RABGEF1: variants seen among roughly 807,000 people sequenced by gnomAD.
RABGEF1 encodes the protein rab5 GDP/GTP exchange factor.
RABGEF1 carries 26 observed loss-of-function variants against 57.3 expected under a neutral mutation model. That is an observed-to-expected ratio of 0.45 (90% confidence interval 0.33 to 0.63). The LOEUF (loss-of-function observed/expected upper bound fraction) is 0.63, where lower values mean the gene tolerates loss of function less well. Among genes scored for constraint, RABGEF1 ranks in the 20% least tolerant of loss-of-function variants. The pLI, the probability that RABGEF1 is intolerant of heterozygous loss-of-function variation, is 0.02. For synonymous variants in RABGEF1, 185 were observed against 210.7 expected (o/e 0.88, Z 1.06); for missense variants, 464 against 607.6 (o/e 0.76, Z 2.48).
the RABGEF1 span, among the ~76,000 whole-genome samples, chr7:66,664,517 C>G: frequency 2.6e-5 from 4 of 151,178 alleles, no homozygotes; most frequent in Non-Finnish European, 5.9e-5. Context: ...TAGCCTCAAA[C>G]TCCTTGAGCC....
chr7:66,776,976 C>G (rs1808706620), intron 3 of RABGEF1, among the ~76,000 whole-genome samples: 1 of 152,168 alleles, frequency 6.6e-6, no homozygotes, highest in South Asian at 2.1e-4. Context: ...CCTGTCCACA[C>G]TGAGGGACAA....
Position 66,775,914 on chromosome 7 carries a change from T to G in RABGEF1, c.346+521T>G, listed in dbSNP as rs1308502554. 2.6e-5 allele frequency among the ~76,000 whole-genome samples: 4 copies of G among 152,156 alleles called. No individual in the cohort carries two copies. The East Asian group carries it at 7.7e-4, about 29-fold the overall frequency. Reference sequence around the variant, plus strand: ...TTGGGGGGATGAAAGTGAGCCATAGTAGCTATTTTCCAGTGCATGGATTTG... The same window carrying G: ...TTGGGGGGATGAAAGTGAGCCATAGGAGCTATTTTCCAGTGCATGGATTTG... On this transcript the variant is annotated intron_variant, in intron 3 of 8. Transcript: ENST00000284957.
intron 1 of RABGEF1, among the ~76,000 whole-genome samples, chr7:66,700,920 C>T (rs1416197501): frequency 6.6e-6 from 1 of 152,208 alleles, no homozygotes; most frequent in Non-Finnish European, 1.5e-5. Flanking sequence ...GAGGCCCCTC[C>T]CTGGGTTTGC....
At chr7:66,755,818 C>A (rs1260371809) in intron 1 of RABGEF1, 1 of 382,442 alleles carries the variant, frequency 2.6e-6, no homozygotes. Flanking sequence ...GAATGCTCCC[C>A]TGCTTGCTCT....
chr7:66,692,663 C>A (rs1791692043), intron 1 of RABGEF1, among the ~76,000 whole-genome samples: 1 of 152,140 alleles, frequency 6.6e-6, no homozygotes, highest in African/African-American at 2.4e-5. Context: ...GAGTCAGAGG[C>A]CCTGGTCATC....
chr7:66,795,321 C>A (rs1813765002), intron 4 of RABGEF1, among the ~76,000 whole-genome samples, 190 bp from the exon 5 acceptor site: 1 of 152,130 alleles, frequency 6.6e-6, no homozygotes, highest in African/African-American at 2.4e-5. Flanking sequence ...AAGGAAAAGT[C>A]CGGCAACAAT....
At chr7:66,746,047 A>G (rs1167597679) in intron 1 of RABGEF1, among the ~76,000 whole-genome samples, 1 of 152,198 alleles carries the variant, frequency 6.6e-6, no homozygotes, top group African/African-American at 2.4e-5. Flanking sequence ...TAGAAACATC[A>G]TGTGTGTTGT....
At chr7:66,750,645 A>G (rs1801200519) in intron 1 of RABGEF1, among the ~76,000 whole-genome samples, 1 of 152,270 alleles carries the variant, frequency 6.6e-6, no homozygotes, top group South Asian at 2.1e-4. Context: ...TAATATACAC[A>G]CATATAATGG....
rs548858066 is a variant in RABGEF1, at chr7:66,720,617, G to T, written c.-815+8393G>T. ...TATTTTAATGGATAAAGTATGAATT[G>T]TTTCTCCCTAAGATTAGAAACAAGG... On this transcript the variant is annotated intron_variant and NMD_transcript_variant, in intron 2 of 9. Coordinates refer to the RABGEF1 transcript ENST00000607882. Among the ~76,000 whole-genome samples the T allele has an allele frequency of 2.6e-5, 4 of 152,068 alleles. No individual in the cohort carries two copies. The South Asian group carries it at 8.3e-4, about 32-fold the overall frequency.
At chr7:66,692,952 G>T (rs764653802) in intron 1 of RABGEF1, among the ~76,000 whole-genome samples, 1 of 152,160 alleles carries the variant, frequency 6.6e-6, no homozygotes, top group South Asian at 2.1e-4. Flanking sequence ...GTAATACCAG[G>T]CTCAAGGCCC....
chr7:66,665,015 G>T, the RABGEF1 span, among the ~76,000 whole-genome samples: 1 of 152,230 alleles, frequency 6.6e-6, no homozygotes, highest in African/African-American at 2.4e-5. Flanking sequence ...GGCGAGTCTC[G>T]CCATGTGCAT....
rs565238669 is a variant in RABGEF1 at position 66,753,653 on chromosome 7, C to T, written c.-18+12861C>T. On this transcript the variant is annotated intron_variant, in intron 1 of 8. Transcript: ENST00000284957. ...TGGTATTTCTTCCAGTGGATGTCTT[C>T]GCATAACAGTGTTTTTTCTCTCATC... Among the ~76,000 whole-genome samples the T allele has an allele frequency of 2.0e-3, 302 of 148,366 alleles. 1 individual carries two copies. Among genetic ancestry groups the T allele is most frequent in the Non-Finnish European group, 3.8e-3 (255 of 67,508 alleles).
chr7:66,746,540 C>G (rs891244229), intron 1 of RABGEF1, among the ~76,000 whole-genome samples: 1 of 151,292 alleles, frequency 6.6e-6, no homozygotes, highest in Non-Finnish European at 1.5e-5. Context: ...CCACCCGCCT[C>G]GGCCTCCCAA....
chr7:66,673,242 G>A, the RABGEF1 span, among the ~76,000 whole-genome samples: 72 of 148,608 alleles, frequency 4.8e-4, no homozygotes, highest in South Asian at 2.2e-4. Flanking sequence ...TAAAATAGGT[G>A]GTTCAGGGCA....
At chr7:66,670,151 A>G in the RABGEF1 span, among the ~76,000 whole-genome samples, 2 of 152,114 alleles carry the variant, frequency 1.3e-5, no homozygotes, top group Non-Finnish European at 2.9e-5. Context: ...GAGGTTCACC[A>G]TGACCTGGTG....
rs73139913 is a variant in RABGEF1, at chr7:66,752,268, C to T, written c.-18+11476C>T. Among the ~76,000 whole-genome samples the T allele has an allele frequency of 2.5e-3, 385 of 151,958 alleles. 4 individuals are homozygous for T. The highest frequency in any genetic ancestry group is 3.9e-3 in the Non-Finnish European group (264 of 67,982). ...CAGCGCTTTGGGAGTCCGAGGTGGA[C>T]GGATCACAACAAGGTCAGGAGTTCG... On this transcript the variant is annotated intron_variant, in intron 1 of 8. Transcript: ENST00000284957.
chr7:66,742,329 C>G (rs540320310), intron 1 of RABGEF1, among the ~76,000 whole-genome samples: 1 of 152,260 alleles, frequency 6.6e-6, no homozygotes, highest in South Asian at 2.1e-4. Context: ...TAATGACCTT[C>G]CAAGCAGTCA....
chr7:66,681,707 T>C (rs923470072), upstream of RABGEF1, among the ~76,000 whole-genome samples: 22 of 152,324 alleles, frequency 1.4e-4, no homozygotes, highest in African/African-American at 5.1e-4. Flanking sequence ...CTTAAGACCC[T>C]TTAACTCGAA....
chr7:66,780,314 T>C (rs115283141), intron 3 of RABGEF1, among the ~76,000 whole-genome samples: 1,905 of 152,332 alleles, frequency 0.013, 38 homozygotes, highest in African/African-American at 0.043. Flanking sequence ...AATTCCATTC[T>C]TTACTATGTA....
Sources: allele counts gnomAD v4.1 joint callset (sites outside exome capture counted in the v4.1 genomes callset), GRCh38; gene constraint gnomAD v4.1.1; transcripts MANE v1.5; gene names NCBI Gene and HGNC (gene_info 2026-07-23, HGNC 2026-07-21).